FYB1: variants seen among roughly 807,000 people sequenced by gnomAD.
The protein encoded by FYB1 is FYN binding protein 1, also known as FYN-binding protein 1.
In FYB1, 41 loss-of-function variants were observed where a neutral mutation model predicts 94.1. The observed-to-expected ratio is 0.44, with a 90% CI of 0.34 to 0.57. FYB1 has a LOEUF of 0.57. Among genes scored for constraint, FYB1 ranks in the 20% least tolerant of loss-of-function variants. The pLI is 0.02. For synonymous variants in FYB1, 367 were observed against 353.2 expected (o/e 1.04, Z -0.44); for missense variants, 1,050 against 976.8 (o/e 1.07, Z -1.00).
chr5:39,130,567 AT>A, intron 10 of FYB1, 22 bp downstream of exon 10: 1 of 1,559,206 alleles, frequency 6.4e-7, no homozygotes, highest in Non-Finnish European at 8.7e-7. Flanking sequence ...GTAAAATGTC[AT>A]TTTAAGAAGC....
chr5:39,247,138 G>T (rs1751518357), intron 1 of FYB1, among the ~76,000 whole-genome samples: 1 of 115,282 alleles, frequency 8.7e-6, no homozygotes, highest in Non-Finnish European at 1.7e-5. Context: ...TTTGTCAAAT[G>T]AATAGCTTTT....
chr5:39,268,308 G>A (rs747679763), intron 1 of FYB1, among the ~76,000 whole-genome samples: 12 of 149,786 alleles, frequency 8.0e-5, no homozygotes, highest in Non-Finnish European at 1.0e-4. Flanking sequence ...CATCACTGCC[G>A]CCTTGAACTC....
chr5:39,184,182 A>G (rs1746523345), intron 2 of FYB1, among the ~76,000 whole-genome samples: 1 of 152,224 alleles, frequency 6.6e-6, no homozygotes, highest in African/African-American at 2.4e-5. Flanking sequence ...TTATTCCCAA[A>G]AACTATCTAA....
chr5:39,238,416 A>G (rs1242468156), intron 1 of FYB1, among the ~76,000 whole-genome samples: 2 of 151,878 alleles, frequency 1.3e-5, no homozygotes, highest in East Asian at 1.9e-4. Context: ...ACTCTAGGGG[A>G]AAAAAATCCC....
At chr5:39,146,921 G>A (rs1002126850) in intron 3 of FYB1, among the ~76,000 whole-genome samples, 3 of 152,108 alleles carry the variant, frequency 2.0e-5, no homozygotes, top group African/African-American at 7.2e-5. Context: ...AAATAAATAG[G>A]TGCAGGTGCC....
rs138465454 is a variant in FYB1, at chr5:39,266,868, C to T, written c.-28+7535G>A. Among the ~76,000 whole-genome samples the T allele has an allele frequency of 3.7e-3, 571 of 152,324 alleles. 5 individuals are homozygous for T. Among genetic ancestry groups the T allele is most frequent in the Middle Eastern group, 0.01 (3 of 294 alleles). On this transcript the variant is annotated intron_variant, in intron 1 of 1. Coordinates refer to the FYB1 transcript ENST00000510188. ...TCCTCAAGCCTACCAGACATGGTCA[C>T]CAGCCTGAGAATGGACCTGGCACAC...
intron 4 of FYB1, among the ~76,000 whole-genome samples, chr5:39,140,308 C>CA (rs1311937114): frequency 6.6e-6 from 1 of 151,872 alleles, no homozygotes; most frequent in Non-Finnish European, 1.5e-5. Flanking sequence ...ACTCCCAATA[C>CA]AAAAAATGGT....
At chr5:39,247,407 G>T (rs28523355) in intron 1 of FYB1, among the ~76,000 whole-genome samples, 1 of 151,638 alleles carries the variant, frequency 6.6e-6, no homozygotes, top group Non-Finnish European at 1.5e-5. Context: ...TCTTTAGTAC[G>T]TATGCACAAA....
intron 1 of FYB1, among the ~76,000 whole-genome samples, chr5:39,228,666 GTA>G (rs1750588212): frequency 6.6e-6 from 1 of 152,090 alleles, no homozygotes; most frequent in Non-Finnish European, 1.5e-5. Context: ...TTTTGATACC[GTA>G]TTTCCCCGTA....
chr5:39,141,173 G>C, intron 3 of FYB1, 32 bp from the exon 4 acceptor site: 2 of 1,439,540 alleles, frequency 1.4e-6, no homozygotes, highest in Non-Finnish European at 1.9e-6. Context: ...CAGTGAACAT[G>C]GAACAAGTAG....
At chr5:39,225,022 TA>T (rs778549419) in intron 1 of FYB1, among the ~76,000 whole-genome samples, 1 of 152,190 alleles carries the variant, frequency 6.6e-6, no homozygotes, top group Non-Finnish European at 1.5e-5. Flanking sequence ...CAAAACCTTA[TA>T]AAAGATGTCA....
chr5:39,111,622 T>C (rs72635287), intron 16 of FYB1, among the ~76,000 whole-genome samples: 3,212 of 151,986 alleles, frequency 0.021, 82 homozygotes, highest in African/African-American at 0.062. Context: ...TACTTTTTAA[T>C]AAAAACAATT....
chr5:39,158,115 G>A (rs917699320), intron 2 of FYB1, among the ~76,000 whole-genome samples: 13 of 152,170 alleles, frequency 8.5e-5, no homozygotes, highest in African/African-American at 2.7e-4. Context: ...GGAGAATTGC[G>A]AATAACAGGG....
intron 12 of FYB1, among the ~76,000 whole-genome samples, chr5:39,125,172 T>C (rs181171116): frequency 5.6e-4 from 86 of 152,288 alleles, no homozygotes; most frequent in Non-Finnish European, 8.8e-4. Context: ...GAATTTCAAG[T>C]GTACTCTTTA....
At chr5:39,255,300 A>T (rs189861659) in intron 1 of FYB1, among the ~76,000 whole-genome samples, 16 of 152,340 alleles carry the variant, frequency 1.1e-4, no homozygotes, top group Admixed American at 4.6e-4. Flanking sequence ...CTTTTTAAAA[A>T]AATTTTAAGC....
chr5:39,139,377 A>G, intron 4 of FYB1, 125 bp from the exon 5 acceptor site: 1 of 808,574 alleles, frequency 1.2e-6, no homozygotes, highest in South Asian at 3.0e-5. Context: ...ATGCTTTATC[A>G]AAGATACAGA....
chr5:39,126,506 G>A (rs529314185), intron 11 of FYB1, among the ~76,000 whole-genome samples: 2 of 151,696 alleles, frequency 1.3e-5, no homozygotes, highest in East Asian at 2.0e-4. Flanking sequence ...GACAAGCCTG[G>A]GCAACATAGC....
intron 1 of FYB1, among the ~76,000 whole-genome samples, chr5:39,203,205 A>G (rs1046818873): frequency 2.6e-5 from 4 of 152,162 alleles, no homozygotes; most frequent in African/African-American, 9.7e-5. Flanking sequence ...TCTTTTGCTT[A>G]TCTCGGACTG....
At chr5:39,201,066 C>A (rs187152938) in intron 2 of FYB1, among the ~76,000 whole-genome samples, 1 of 152,244 alleles carries the variant, frequency 6.6e-6, no homozygotes, top group East Asian at 1.9e-4. Context: ...CTATATATTA[C>A]TTTATGAATC....
Sources: allele counts gnomAD v4.1 joint callset (sites outside exome capture counted in the v4.1 genomes callset), GRCh38; gene constraint gnomAD v4.1.1; transcripts MANE v1.5; gene names NCBI Gene and HGNC (gene_info 2026-07-23, HGNC 2026-07-21).